ABCA6: variants seen among roughly 807,000 people sequenced by gnomAD.
ABCA6 encodes the protein ATP-binding cassette sub-family A member 6.
Under a neutral mutation model 191.2 loss-of-function variants are expected in ABCA6, and 164 were observed. That is an observed-to-expected ratio of 0.86 (90% CI 0.76 to 0.98). ABCA6 has a LOEUF of 0.98. Among genes scored for constraint, ABCA6 ranks in the 50% least tolerant of loss-of-function variants. The pLI is 0.00. For missense variants in ABCA6, 1,958 were observed against 1,894.1 expected (o/e 1.03, Z -0.63); for synonymous variants, 636 against 647.7 (o/e 0.98, Z 0.27).
chr17:69,088,191 CTTTTCTTTCCACATT>C lies in ABCA6; in HGVS notation c.3659_3673del (p.Lys1220_Lys1224del). 6.2e-7 allele frequency: 1 copy of C among 1,612,214 alleles called. No individual in the cohort carries two copies. The highest frequency in any genetic ancestry group is 1.1e-5 in the South Asian group (1 of 90,606). ...CCTGAAAACAGGATCTTTTCGCATTCTTTTCTTTCCACATTTTAGTTCCATGCATCTTAGAACAAA... is the reference window on the plus strand; with the variant it reads ...CCTGAAAACAGGATCTTTTCGCATTCTTAGTTCCATGCATCTTAGAACAAA... On this transcript the variant is annotated inframe_deletion, in exon 28 of 39. Coordinates refer to ENST00000284425, the MANE Select transcript of ABCA6 (RefSeq NM_080284.3).
chr17:69,107,861 C>T (rs2073339038), intron 17 of ABCA6, 49 bp from the exon 18 acceptor site: 7 of 1,033,982 alleles, frequency 6.8e-6, no homozygotes, highest in Non-Finnish European at 1.0e-5. Context: ...ACATTGAGAA[C>T]TAAACCAAGT....
At chr17:69,080,229 T>C (rs1215601438) in intron 37 of ABCA6, among the ~76,000 whole-genome samples, 1 of 152,142 alleles carries the variant, frequency 6.6e-6, no homozygotes, top group Non-Finnish European at 1.5e-5. Flanking sequence ...ACTTAAAATA[T>C]TTACTCATTT....
chr17:69,138,781 A>G (rs1465171655), intron 2 of ABCA6, among the ~76,000 whole-genome samples: 3 of 148,860 alleles, frequency 2.0e-5, no homozygotes, highest in African/African-American at 7.4e-5. Context: ...GAGCCCTCAG[A>G]AATAACGCCG....
chr17:69,098,170 G>A, intron 22 of ABCA6, 143 bp from the exon 23 acceptor site: 1 of 492,152 alleles, frequency 2.0e-6, no homozygotes. Flanking sequence ...AAGGTGGGAG[G>A]GAAAGTGACT....
At chr17:69,096,520 G>A in intron 24 of ABCA6, 108 bp downstream of exon 24, 3 of 970,146 alleles carry the variant, frequency 3.1e-6, no homozygotes, top group Non-Finnish European at 4.2e-6. Flanking sequence ...TTTTTGTTTT[G>A]GTTTATTACA....
chr17:69,121,099 G>C (rs2073632936), intron 10 of ABCA6, among the ~76,000 whole-genome samples: 1 of 151,892 alleles, frequency 6.6e-6, no homozygotes, highest in Admixed American at 6.6e-5. Context: ...CACATAGGAA[G>C]AAAAAAATCA....
intron 7 of ABCA6, 39 bp downstream of exon 7, chr17:69,129,571 T>C (rs755198299): frequency 8.5e-6 from 13 of 1,527,354 alleles, no homozygotes; most frequent in Non-Finnish European, 1.1e-5. Context: ...ATAGCTAAGA[T>C]CTAAAGCAGA....
At chr17:69,108,004 C>T in intron 17 of ABCA6, 192 bp from the exon 18 acceptor site, 1 of 504,808 alleles carries the variant, frequency 2.0e-6, no homozygotes, top group Non-Finnish European at 3.5e-6. Context: ...AGACCTCTTC[C>T]TCCATCCTCA....
intron 6 of ABCA6, 132 bp from the exon 7 acceptor site, chr17:69,129,883 C>A: frequency 1.6e-6 from 1 of 630,992 alleles, no homozygotes; most frequent in Non-Finnish European, 2.6e-6. Context: ...ACTGTTAATC[C>A]TACAGCAGAA....
At chr17:69,137,554 A>T in intron 2 of ABCA6, 54 bp from the exon 3 acceptor site, 1 of 1,512,366 alleles carries the variant, frequency 6.6e-7, no homozygotes, top group Non-Finnish European at 9.0e-7. Context: ...TCACTTAAAG[A>T]TCTCAGTTAA....
chr17:69,135,533 C>G (rs1289839182), intron 4 of ABCA6: 1 of 154,110 alleles, frequency 6.5e-6, no homozygotes, highest in Non-Finnish European at 1.4e-5. Flanking sequence ...CATTACATTC[C>G]TTTTCATGTT....
intron 13 of ABCA6, among the ~76,000 whole-genome samples, chr17:69,114,092 C>T (rs2073487135): frequency 2.6e-5 from 4 of 152,100 alleles, no homozygotes; most frequent in African/African-American, 9.7e-5. Context: ...ATAAATCATG[C>T]TGCTATAAAG....
chr17:69,132,012 T>A (rs2073871522), intron 6 of ABCA6, among the ~76,000 whole-genome samples: 1 of 152,110 alleles, frequency 6.6e-6, no homozygotes, highest in Non-Finnish European at 1.5e-5. Flanking sequence ...CTGCAAAAAC[T>A]TCTTCTCTCT....
chr17:69,133,851 G>T lies in ABCA6; in HGVS notation c.581C>A (p.Pro194His). 1 of 1,598,636 alleles carries T rather than the reference G, an allele frequency of 6.3e-7. No homozygotes were observed. The highest frequency in any genetic ancestry group is 8.5e-7 in the Non-Finnish European group (1 of 1,171,898). ...AACTGACATCAACTCCTCCATCACAGGGTGATTGGTTGTGATCTAAAGTAG... is the reference window on the plus strand; with the variant it reads ...AACTGACATCAACTCCTCCATCACATGGTGATTGGTTGTGATCTAAAGTAG... ...TAIIEITTNH[P>H]VMEELMSVTA... is the part of the protein sequence containing the mutation. The change falls in exon 6 of 39, where the codon CCT becomes CAT. Residue 194 changes from proline (P) to histidine (H), a missense_variant. Coordinates refer to ENST00000284425, the MANE Select transcript of ABCA6 (RefSeq NM_080284.3).
At chr17:69,082,432 T>C (rs923565746) in intron 36 of ABCA6, among the ~76,000 whole-genome samples, 3 of 152,004 alleles carry the variant, frequency 2.0e-5, no homozygotes, top group African/African-American at 7.3e-5. Context: ...GTATGAAAAT[T>C]CCATTAAAGA....
At chr17:69,116,099 C>T (rs1303537901) in intron 11 of ABCA6, among the ~76,000 whole-genome samples, 2 of 152,094 alleles carry the variant, frequency 1.3e-5, no homozygotes, top group African/African-American at 2.4e-5. Flanking sequence ...TTAAGCAATA[C>T]ACCCACTTCG....
At chr17:69,088,320 G>T in intron 27 of ABCA6, 62 bp from the exon 28 acceptor site, 5 of 1,284,174 alleles carry the variant, frequency 3.9e-6, no homozygotes, top group South Asian at 3.0e-5. Context: ...TTAAATATTT[G>T]AATTAAGTTG....
Position 69,140,826 on chromosome 17 carries a change from A to G in ABCA6, c.-45-78T>C, listed in dbSNP as rs551671157. 2.8e-5 allele frequency: 13 copies of G among 460,790 alleles called. No individual in the cohort carries two copies. The South Asian group carries it at 7.8e-4, about 27-fold the overall frequency. The allele number at this position is 460,790 out of a possible 1,614,324, so 28.5% of individuals were successfully genotyped here. A position where few individuals can be genotyped will look rare whatever the true frequency, so the allele number is the denominator to read the frequency against. On this transcript the variant is annotated intron_variant, in intron 1 of 38. Transcript: ENST00000284425. ...ATATTTACTACCTTTAAAAAGTGTA[A>G]ACATGAATTTAAAATATTATTTCAA...
At position 69,097,560 on chromosome 17, in the gene ABCA6, T is replaced by C. The variant is rs9893798; in HGVS notation, c.3120+360A>G. Among the ~76,000 whole-genome samples, 872 of 152,262 alleles carry C rather than the reference T, an allele frequency of 5.7e-3. 8 individuals are homozygous for C. Among genetic ancestry groups the C allele is most frequent in the African/African-American group, 0.02 (825 of 41,558 alleles). On this transcript the variant is annotated intron_variant, in intron 23 of 38. Transcript: ENST00000284425. ...ATACAAATATAACATAAAATTGCAA[T>C]TTCCAGAGTGGAAAAGGAATTCAAG...
Sources: gnomAD v4.1 joint callset for allele counts (sites outside exome capture counted in the v4.1 genomes callset) on GRCh38, gnomAD v4.1.1 for gene constraint, MANE v1.5 for transcripts, NCBI Gene and HGNC (gene_info 2026-07-23, HGNC 2026-07-21) for gene names.